Variants in BMP5 observed in about 807,000 individuals in gnomAD.
The protein encoded by BMP5 is bone morphogenetic protein 5.
A neutral mutation model predicts 46.6 loss-of-function variants in BMP5; 23 were observed. The observed-to-expected ratio is 0.49, with a 90% CI of 0.35 to 0.70. The LOEUF is 0.70. Among genes scored for constraint, BMP5 ranks in the 30% least tolerant of loss-of-function variants. BMP5 has a pLI of 0.00. For missense variants in BMP5, 545 were observed against 565.6 expected, an observed-to-expected ratio of 0.96 and a Z score of 0.37; for synonymous variants, 204 against 191.9, an observed-to-expected ratio of 1.06 and a Z score of -0.52.
intron 2 of BMP5, among the ~76,000 whole-genome samples, chr6:55,798,019 G>A (rs1004693543): frequency 6.6e-6 from 1 of 152,168 alleles, no homozygotes; most frequent in African/African-American, 2.4e-5. Context: ...AGCAGGGTCG[G>A]TTCTTTCTGA....
chr6:55,810,416 C>T (rs1776100876), intron 2 of BMP5, among the ~76,000 whole-genome samples: 1 of 152,118 alleles, frequency 6.6e-6, no homozygotes, highest in Non-Finnish European at 1.5e-5. Flanking sequence ...ATTGCCAAGA[C>T]ATTTTTAATA....
intron 6 of BMP5, among the ~76,000 whole-genome samples, chr6:55,758,135 C>T (rs1009897503): frequency 2.6e-5 from 4 of 151,932 alleles, no homozygotes; most frequent in Admixed American, 1.3e-4. Context: ...CCAAATAATT[C>T]CACTCCCATC....
At chr6:55,762,759 A>G (rs1774817610) in intron 4 of BMP5, among the ~76,000 whole-genome samples, 1 of 152,146 alleles carries the variant, frequency 6.6e-6, no homozygotes, top group Non-Finnish European at 1.5e-5. Context: ...TTAGCTATGC[A>G]TTGGACCAGG....
At chr6:55,854,740 T>C (rs1415417052) in intron 1 of BMP5, among the ~76,000 whole-genome samples, 3 of 152,116 alleles carry the variant, frequency 2.0e-5, no homozygotes, top group Non-Finnish European at 4.4e-5. Flanking sequence ...AATTAAATCA[T>C]CCTTTCATTT....
chr6:55,786,475 C>T (rs1185971634), intron 3 of BMP5, among the ~76,000 whole-genome samples: 1 of 150,742 alleles, frequency 6.6e-6, no homozygotes, highest in East Asian at 1.9e-4. Context: ...ATTATTCAGG[C>T]TTTTTTTTTC....
intron 2 of BMP5, among the ~76,000 whole-genome samples, chr6:55,813,975 T>C (rs1317604521): frequency 6.6e-6 from 1 of 152,138 alleles, no homozygotes; most frequent in Non-Finnish European, 1.5e-5. Flanking sequence ...AATTCATAAA[T>C]AAGAGCTCTC....
At chr6:55,851,424 A>C (rs992176103) in intron 1 of BMP5, among the ~76,000 whole-genome samples, 4 of 152,160 alleles carry the variant, frequency 2.6e-5, no homozygotes, top group African/African-American at 9.7e-5. Context: ...AGGCAGGAGC[A>C]GTAGACAAAG....
chr6:55,819,927 T>C, intron 1 of BMP5, 80 bp from the exon 2 acceptor site: 1 of 1,267,590 alleles, frequency 7.9e-7, no homozygotes, highest in Middle Eastern at 1.9e-4. Context: ...TTCTCCAGCT[T>C]TGAAAGAAAA....
intron 1 of BMP5, among the ~76,000 whole-genome samples, chr6:55,843,748 C>T (rs1777024552): frequency 6.6e-6 from 1 of 151,988 alleles, no homozygotes; most frequent in Non-Finnish European, 1.5e-5. Flanking sequence ...TAAATTTGTG[C>T]TGAATAAGTT....
intron 3 of BMP5, among the ~76,000 whole-genome samples, chr6:55,783,494 G>T (rs1267938409): frequency 1.3e-5 from 2 of 151,886 alleles, no homozygotes; most frequent in Non-Finnish European, 2.9e-5. Flanking sequence ...AAGGATTAAA[G>T]GTTCTCTTTT....
intron 2 of BMP5, among the ~76,000 whole-genome samples, chr6:55,803,167 G>T (rs1376485014): frequency 6.8e-6 from 1 of 146,956 alleles, no homozygotes; most frequent in Non-Finnish European, 1.5e-5. Flanking sequence ...GGGGGGGCAG[G>T]CGCCTGTAAT....
At chr6:55,770,289 T>C (rs1418770536) in intron 4 of BMP5, among the ~76,000 whole-genome samples, 1 of 151,946 alleles carries the variant, frequency 6.6e-6, no homozygotes, top group African/African-American at 2.4e-5. Context: ...AGCTTCTTCA[T>C]CAATACTTGC....
intron 1 of BMP5, among the ~76,000 whole-genome samples, chr6:55,825,375 T>C (rs547173001): frequency 6.6e-6 from 1 of 151,936 alleles, no homozygotes; most frequent in East Asian, 1.9e-4. Flanking sequence ...GTTTAAAAAG[T>C]GGTAACATCA....
chr6:55,875,094 G>T lies in BMP5; in HGVS notation c.-229C>A. 3 of 490,086 alleles carry T rather than the reference G, an allele frequency of 6.1e-6. No homozygotes were observed. Among genetic ancestry groups the T allele is most frequent in the Non-Finnish European group, 7.2e-6 (2 of 276,744 alleles). 30.4% of individuals were successfully genotyped at this position (490,086 alleles called of 1,614,324 possible). A position where few individuals can be genotyped will look rare whatever the true frequency, so the allele number is the denominator to read the frequency against. On this transcript the variant is annotated 5_prime_UTR_variant, in exon 1 of 7. In the 5' UTR this introduces an upstream ATG that the reference lacks. Coordinates refer to ENST00000370830, the MANE Select transcript of BMP5 (RefSeq NM_021073.4). ...TTATTTCTAAGAAAGCTGAAACTCA[G>T]ATTTCCAATTATCCACAGTTGTTAA... is the stretch of plus-strand genomic sequence containing the variant.
At chr6:55,825,569 GA>G (rs1490313519) in intron 1 of BMP5, among the ~76,000 whole-genome samples, 1 of 151,550 alleles carries the variant, frequency 6.6e-6, no homozygotes, top group Non-Finnish European at 1.5e-5. Flanking sequence ...TTATTGTTGA[GA>G]TACAAGTTAA....
chr6:55,844,819 GA>G (rs1293084169), intron 1 of BMP5, among the ~76,000 whole-genome samples: 1 of 151,516 alleles, frequency 6.6e-6, no homozygotes, highest in African/African-American at 2.4e-5. Context: ...AACTTATCTA[GA>G]AAAAAAGTAA....
intron 2 of BMP5, among the ~76,000 whole-genome samples, chr6:55,807,056 T>A (rs1776007992): frequency 6.6e-6 from 1 of 152,174 alleles, no homozygotes; most frequent in South Asian, 2.1e-4. Flanking sequence ...CTGAATACCC[T>A]TTATTTCTTT....
rs768269517 is a variant in BMP5 at position 55,819,877 on chromosome 6, A to G, written c.491-30T>C. Reference sequence around the variant, plus strand: ...AAAAATAAAGGGGGTTGAGGGGGAAAAAAGTTAGTCTTTTATAAAATATGG... The same window carrying G: ...AAAAATAAAGGGGGTTGAGGGGGAAGAAAGTTAGTCTTTTATAAAATATGG... On this transcript the variant is annotated intron_variant, in intron 1 of 6. Transcript: ENST00000370830. 1.2e-5 allele frequency: 18 copies of G among 1,550,914 alleles called. No individual in the cohort carries two copies. In the East Asian group the frequency reaches 3.8e-4, roughly 33 times the overall value.
intron 1 of BMP5, among the ~76,000 whole-genome samples, chr6:55,859,319 ACT>A (rs1178553469): frequency 3.3e-5 from 5 of 152,162 alleles, no homozygotes; most frequent in Non-Finnish European, 7.3e-5. Context: ...CTAAGAACAG[ACT>A]CTAAAAAACT....
Sources: allele counts gnomAD v4.1 joint callset (sites outside exome capture counted in the v4.1 genomes callset), GRCh38; gene constraint gnomAD v4.1.1; transcripts MANE v1.5; gene names NCBI Gene and HGNC (gene_info 2026-07-23, HGNC 2026-07-21).